Variants in ZNF701 observed in about 807,000 individuals in gnomAD.
ZNF701 encodes zinc finger protein 701.
In ZNF701, 6 loss-of-function variants were observed where a neutral mutation model predicts 7.1. The ratio of observed to expected loss-of-function variants is 0.84; its 90% confidence interval spans 0.46 to 1.66. The LOEUF (loss-of-function observed/expected upper bound fraction) is 1.66, where lower values mean the gene tolerates loss of function less well. Ranked by LOEUF, ZNF701 falls within the 40% of genes most tolerant of loss-of-function variation. The pLI is 0.01. For synonymous variants in ZNF701, 166 were observed against 188.2 expected (o/e 0.88, Z 0.97); for missense variants, 541 against 559.2 (o/e 0.97, Z 0.33).
chr19:52,583,114 A>C lies in ZNF701; in HGVS notation c.1055A>C (p.Lys352Thr), dbSNP rs749629991. Residue 352 changes from lysine to threonine, a missense_variant, in exon 4 of 4, where the codon AAA becomes ACA. By Grantham distance (78) the Lys-to-Thr change is moderately conservative. Coordinates refer to ENST00000391785, the MANE Select transcript of ZNF701 (RefSeq NM_018260.3). The stretch of plus-strand genomic sequence containing the variant: ...CATAGGAGAATTCACACTGGAGAGA[A>C]ACCATACAAATGTAAGGTTTGTGAC... ...ERHRRIHTGE[K>T]PYKCKVCDKA... 5.6e-6 allele frequency: 9 copies of C among 1,613,882 alleles called. No homozygotes were observed. In the East Asian group the frequency reaches 2.0e-4, roughly 36 times the overall value.
chr19:52,587,591 C>A (rs899009451), downstream of ZNF701, among the ~76,000 whole-genome samples: 1 of 152,220 alleles, frequency 6.6e-6, no homozygotes, highest in Non-Finnish European at 1.5e-5. Context: ...CACCTCTGGT[C>A]CATGTTGCCT....
intron 3 of ZNF701, among the ~76,000 whole-genome samples, chr19:52,577,991 T>A (rs941693374): frequency 2.6e-5 from 4 of 152,022 alleles, no homozygotes; most frequent in African/African-American, 9.7e-5. Flanking sequence ...GCAGTGGCTC[T>A]TGCCTGTAAT....
chr19:52,579,829 G>A (rs990947912), intron 3 of ZNF701, among the ~76,000 whole-genome samples: 3 of 140,328 alleles, frequency 2.1e-5, no homozygotes, highest in Non-Finnish European at 3.0e-5. Context: ...AGCTGAGATC[G>A]CACCGTCGCA....
chr19:52,579,702 C>T (rs1170221650), intron 3 of ZNF701, among the ~76,000 whole-genome samples: 2 of 138,834 alleles, frequency 1.4e-5, no homozygotes, highest in Non-Finnish European at 3.0e-5. Context: ...GGTGAAACTT[C>T]GTCTCTAGTA....
In ZNF701 at chr19:52,586,393, C is replaced by T. The variant is rs1261641983; in HGVS notation, c.*2936C>T. 1 of 152,030 alleles carries T rather than the reference C, an allele frequency of 6.6e-6. No homozygotes were observed. The highest frequency in any genetic ancestry group is 2.0e-4 in the East Asian group (1 of 5,120). 9.4% of individuals were successfully genotyped at this position (152,030 alleles called of 1,614,324 possible). A position where few individuals can be genotyped will look rare whatever the true frequency, so the allele number is the denominator to read the frequency against. On this transcript the variant is annotated 3_prime_UTR_variant, in exon 4 of 4. Coordinates refer to ENST00000391785, the MANE Select transcript of ZNF701 (RefSeq NM_018260.3). ...TATATGTAGACTGAACGCGGTGGCT[C>T]ATGCCTGTCATCCCAGCACTTTGTG... is the stretch of plus-strand genomic sequence containing the variant.
At chr19:52,571,588 G>A (rs927979497) in intron 1 of ZNF701, among the ~76,000 whole-genome samples, 6 of 152,006 alleles carry the variant, frequency 3.9e-5, no homozygotes, top group African/African-American at 1.4e-4. Flanking sequence ...TCGAACTCCT[G>A]ACCTCAGGTG....
Position 52,586,660 on chromosome 19 carries a change from A to G in ZNF701, c.*3203A>G, listed in dbSNP as rs2060014013. On this transcript the variant is annotated 3_prime_UTR_variant, in exon 4 of 4. Coordinates refer to ENST00000391785, the MANE Select transcript of ZNF701 (RefSeq NM_018260.3). ...CTTCTTACAAAACTCGGAGCTTCTC[A>G]GGATAACTTGGTGAAACGTCCCCCG... The G allele has an allele frequency of 6.6e-6, 1 of 152,150 alleles. No individual in the cohort carries two copies. The highest frequency in any genetic ancestry group is 2.4e-5 in the African/African-American group (1 of 41,448). 9.4% of individuals were successfully genotyped at this position (152,150 alleles called of 1,614,324 possible).
Position 52,583,534 on chromosome 19 carries a change from TTACAAATG to T in ZNF701, c.*79_*86del. 3 of 1,597,910 alleles carry T rather than the reference TTACAAATG, an allele frequency of 1.9e-6. No homozygotes were observed. Among genetic ancestry groups the T allele is most frequent in the Middle Eastern group, 1.7e-4 (1 of 6,004 alleles). On this transcript the variant is annotated 3_prime_UTR_variant, in exon 4 of 4. Transcript: ENST00000391785. ...ATAGACTTTATACTGGAGAGAAACC[TTACAAATG>T]TGAAGAATGTGACAAAAGTTTTCAA...
chr19:52,596,356 A>G, the ZNF701 span: 1 of 395,560 alleles, frequency 2.5e-6, no homozygotes, highest in Non-Finnish European at 5.1e-6. Context: ...TTCATACTGT[A>G]CAGAAACATT....
chr19:52,573,897 G>T (rs1294473326), intron 1 of ZNF701, among the ~76,000 whole-genome samples, 180 bp from the exon 2 acceptor site: 1 of 152,208 alleles, frequency 6.6e-6, no homozygotes, highest in Non-Finnish European at 1.5e-5. Context: ...GCTGCAGCGT[G>T]TGAGGGCTTC....
chr19:52,597,418 A>C, the ZNF701 span: 2 of 516,470 alleles, frequency 3.9e-6, no homozygotes, highest in Middle Eastern at 6.4e-4. Context: ...TTTTGAGATA[A>C]CTGTTCCAAA....
At chr19:52,593,896 C>T in the ZNF701 span, among the ~76,000 whole-genome samples, 45 of 117,230 alleles carry the variant, frequency 3.8e-4, 13 homozygotes, top group South Asian at 4.0e-3. Flanking sequence ...CAGAGACGCT[C>T]CTCACTTCCC....
chr19:52,583,163 C>T lies in ZNF701; in HGVS notation c.1104C>T (p.His368=). ...ACAAGGCTTTCAGACGTGATTCACACCTGGCACAACATACTGTAATTCACA... is the reference window on the plus strand; with the variant it reads ...ACAAGGCTTTCAGACGTGATTCACATCTGGCACAACATACTGTAATTCACA... ...VCDKAFRRDS[H]LAQHTVIHTG... Residue 368 remains histidine (H), a synonymous_variant, in exon 4 of 4, where the codon CAC becomes CAT. Coordinates refer to ENST00000391785, the MANE Select transcript of ZNF701 (RefSeq NM_018260.3). The T allele has an allele frequency of 1.2e-6, 2 of 1,613,446 alleles. No homozygotes were observed. The highest frequency in any genetic ancestry group is 1.7e-6 in the Non-Finnish European group (2 of 1,179,778).
downstream of ZNF701, chr19:52,588,601 G>T: frequency 2.5e-6 from 1 of 395,484 alleles, no homozygotes; most frequent in Non-Finnish European, 4.9e-6. Flanking sequence ...AGCCAGGGAC[G>T]GCTCTTCCTC....
the ZNF701 span, chr19:52,597,997 G>C: frequency 2.0e-5 from 3 of 152,466 alleles, no homozygotes; most frequent in Non-Finnish European, 2.9e-5. Flanking sequence ...CAGGCTGGAG[G>C]GCAGTGGCGC....
downstream of ZNF701, chr19:52,588,527 C>T (rs2060024393): frequency 6.4e-6 from 2 of 311,550 alleles, no homozygotes; most frequent in Non-Finnish European, 1.3e-5. Flanking sequence ...TTTTTTTACA[C>T]ACAGGATTGA....
At chr19:52,575,415 G>A (rs2059927796) in intron 2 of ZNF701, among the ~76,000 whole-genome samples, 1 of 151,424 alleles carries the variant, frequency 6.6e-6, no homozygotes, top group Admixed American at 6.6e-5. Context: ...TTGTATTAAC[G>A]TGGTTTTTTG....
intron 3 of ZNF701, among the ~76,000 whole-genome samples, chr19:52,577,694 C>T (rs569404627): frequency 1.3e-5 from 2 of 152,090 alleles, no homozygotes; most frequent in South Asian, 2.1e-4. Context: ...TGGGAAGGCA[C>T]CCGTTACTTA....
At chr19:52,599,685 C>T in the ZNF701 span, among the ~76,000 whole-genome samples, 3 of 152,114 alleles carry the variant, frequency 2.0e-5, no homozygotes, top group African/African-American at 7.2e-5. Flanking sequence ...AACGCTGATC[C>T]CATTCATTTA....
Sources: gnomAD v4.1 joint callset for allele counts (sites outside exome capture counted in the v4.1 genomes callset) on GRCh38, gnomAD v4.1.1 for gene constraint, MANE v1.5 for transcripts, NCBI Gene and HGNC (gene_info 2026-07-23, HGNC 2026-07-21) for gene names.